SOX5: variants seen among roughly 807,000 people sequenced by gnomAD.
SOX5 encodes transcription factor SOX-5.
A neutral mutation model predicts 92.0 loss-of-function variants in SOX5; 9 were observed. The observed-to-expected ratio is 0.10, with a 90% confidence interval of 0.06 to 0.17. The LOEUF (loss-of-function observed/expected upper bound fraction) is 0.17. SOX5 is among the 10% of genes least tolerant of loss of function. The pLI, the probability that SOX5 is intolerant of heterozygous loss-of-function variation, is 1.00. For synonymous variants in SOX5, 344 were observed against 336.3 expected (o/e 1.02, Z -0.25); for missense variants, 642 against 944.5 (o/e 0.68, Z 4.20).
intron 4 of SOX5, among the ~76,000 whole-genome samples, chr12:24,187,693 A>T (rs1482879147): frequency 6.6e-6 from 1 of 152,150 alleles, no homozygotes; most frequent in Non-Finnish European, 1.5e-5. Flanking sequence ...GTTCTTTGCC[A>T]ACTATCCTCT....
chr12:23,825,314 T>C (rs2096209697), intron 3 of SOX5, among the ~76,000 whole-genome samples: 2 of 152,180 alleles, frequency 1.3e-5, no homozygotes, highest in Admixed American at 1.3e-4. Context: ...ACGGCTTCCC[T>C]TGGCTAGGGG....
At chr12:24,109,618 T>C (rs1947090030) in intron 4 of SOX5, among the ~76,000 whole-genome samples, 2 of 152,162 alleles carry the variant, frequency 1.3e-5, no homozygotes, top group Non-Finnish European at 2.9e-5. Flanking sequence ...CTGCATCTCA[T>C]ATCCACTAGG....
At chr12:24,042,007 T>G (rs1475673407) in intron 4 of SOX5, among the ~76,000 whole-genome samples, 1 of 152,124 alleles carries the variant, frequency 6.6e-6, no homozygotes, top group African/African-American at 2.4e-5. Flanking sequence ...GTTGTTTGTT[T>G]AACATCTACC....
At chr12:24,419,826 T>C (rs141840192) in intron 1 of SOX5, among the ~76,000 whole-genome samples, 2 of 152,264 alleles carry the variant, frequency 1.3e-5, no homozygotes, top group Non-Finnish European at 2.9e-5. Context: ...AATAAAACAA[T>C]GCATATCCAA....
At chr12:24,487,954 T>G (rs1160352052) in intron 1 of SOX5, among the ~76,000 whole-genome samples, 1 of 152,204 alleles carries the variant, frequency 6.6e-6, no homozygotes, top group East Asian at 1.9e-4. Context: ...AGGGTAGAGT[T>G]CTCATCTCTC....
In SOX5 at chr12:23,678,256, A is replaced by G. The variant is rs137870912; in HGVS notation, c.811-12692T>C. 2.9e-3 allele frequency among the ~76,000 whole-genome samples: 443 copies of G among 152,236 alleles called. 1 individual carries two copies. The highest frequency in any genetic ancestry group is 0.01 in the African/African-American group (419 of 41,562). ...CAATCTACCATTGTAAATATACCCA[A>G]TAATAAAGAATAGCACATTACTTGC... is the stretch of plus-strand genomic sequence containing the variant. On this transcript the variant is annotated intron_variant, in intron 6 of 14. Transcript: ENST00000451604.
intron 4 of SOX5, among the ~76,000 whole-genome samples, chr12:23,964,503 T>C (rs79125957): frequency 0.052 from 7,860 of 152,268 alleles, 281 homozygotes; most frequent in Non-Finnish European, 0.081. Context: ...CCCACAAGTA[T>C]ACAGCATACC....
chr12:23,615,358 T>A (rs960149727), intron 8 of SOX5, among the ~76,000 whole-genome samples: 3 of 152,184 alleles, frequency 2.0e-5, no homozygotes, highest in Admixed American at 1.3e-4. Context: ...TTAAATTTTT[T>A]AATTTTAGGT....
At chr12:24,226,203 T>A (rs752404847) in intron 3 of SOX5, among the ~76,000 whole-genome samples, 1 of 152,170 alleles carries the variant, frequency 6.6e-6, no homozygotes, top group Non-Finnish European at 1.5e-5. Context: ...CTATGTAAGA[T>A]AACTCTGGAC....
chr12:24,191,426 G>A (rs531781139), intron 4 of SOX5, among the ~76,000 whole-genome samples: 1 of 152,296 alleles, frequency 6.6e-6, no homozygotes, highest in African/African-American at 2.4e-5. Flanking sequence ...AAGGCTTCCT[G>A]CTGCTCCAGG....
At chr12:23,846,997 T>G (rs760217469) in intron 2 of SOX5, among the ~76,000 whole-genome samples, 2 of 152,170 alleles carry the variant, frequency 1.3e-5, no homozygotes, top group Admixed American at 6.5e-5. Context: ...AAATATCTTT[T>G]TATAGTCTAT....
intron 3 of SOX5, among the ~76,000 whole-genome samples, chr12:24,233,270 T>C (rs914392835): frequency 6.6e-6 from 1 of 151,776 alleles, no homozygotes; most frequent in Non-Finnish European, 1.5e-5. Flanking sequence ...CTAACCAATA[T>C]AATAATATGA....
At chr12:24,537,241 T>A (rs1951720891) in intron 1 of SOX5, among the ~76,000 whole-genome samples, 1 of 152,120 alleles carries the variant, frequency 6.6e-6, no homozygotes, top group African/African-American at 2.4e-5. Flanking sequence ...ACTGGTAACA[T>A]GGAAAAATAA....
At chr12:24,044,765 A>T (rs769306203) in intron 4 of SOX5, among the ~76,000 whole-genome samples, 2 of 152,324 alleles carry the variant, frequency 1.3e-5, no homozygotes, top group Non-Finnish European at 2.9e-5. Context: ...GTCAGCCAGA[A>T]GGCTATTCTA....
intron 1 of SOX5, among the ~76,000 whole-genome samples, chr12:23,947,570 C>A (rs529703660): frequency 2.4e-4 from 36 of 151,720 alleles, no homozygotes; most frequent in African/African-American, 8.2e-4. Flanking sequence ...TATTAAGGAA[C>A]GTTATATTGT....
At chr12:24,200,561 G>A (rs543838923) in intron 4 of SOX5, among the ~76,000 whole-genome samples, 1 of 152,136 alleles carries the variant, frequency 6.6e-6, no homozygotes, top group South Asian at 2.1e-4. Context: ...CAACATTTGG[G>A]TGTCTGTGGA....
At chr12:23,572,456 G>GA (rs11350064) in intron 10 of SOX5, among the ~76,000 whole-genome samples, 14 of 148,836 alleles carry the variant, frequency 9.4e-5, no homozygotes, top group African/African-American at 2.5e-4. Context: ...GGACTTTTCA[G>GA]AAAAAAAAAA....
intron 6 of SOX5, among the ~76,000 whole-genome samples, chr12:23,691,207 A>G (rs1209895925): frequency 6.6e-6 from 1 of 152,214 alleles, no homozygotes. Context: ...GAGGGAGAAT[A>G]TGGGTGTGAA....
At chr12:23,704,352 T>C (rs2091080494) in intron 6 of SOX5, among the ~76,000 whole-genome samples, 1 of 151,900 alleles carries the variant, frequency 6.6e-6, no homozygotes, top group Admixed American at 6.6e-5. Flanking sequence ...ATCACCATTA[T>C]AAAGTGCAAA....
Sources: gnomAD v4.1 joint callset for allele counts (sites outside exome capture counted in the v4.1 genomes callset) on GRCh38, gnomAD v4.1.1 for gene constraint, MANE v1.5 for transcripts, NCBI Gene and HGNC (gene_info 2026-07-23, HGNC 2026-07-21) for gene names.